The following THAP12 variants were observed in gnomAD, a reference collection of about 807,000 sequenced individuals.
THAP12 encodes the protein THAP domain containing 12.
A neutral mutation model predicts 63.0 loss-of-function variants in THAP12; 20 were observed. That is an observed-to-expected ratio of 0.32 (90% CI 0.22 to 0.46). The LOEUF is 0.46. THAP12 is among the 20% of genes least tolerant of loss of function. The pLI is 1.00. For missense variants in THAP12, 568 were observed against 908.2 expected, an observed-to-expected ratio of 0.63 and a Z score of 4.81; for synonymous variants, 264 against 328.4, an observed-to-expected ratio of 0.80 and a Z score of 2.12.
At chr11:76,370,804 G>C (rs1383226007) in intron 1 of THAP12, among the ~76,000 whole-genome samples, 8 of 141,776 alleles carry the variant, frequency 5.6e-5, no homozygotes, top group East Asian at 2.1e-4. Context: ...CCTGGCAAGA[G>C]AGCGAGACTC....
At chr11:76,376,615 G>T (rs908151102) in intron 1 of THAP12, among the ~76,000 whole-genome samples, 63 of 127,750 alleles carry the variant, frequency 4.9e-4, no homozygotes, top group South Asian at 2.9e-3. Flanking sequence ...TTGTGTCTAT[G>T]TTTTTTTTGT....
chr11:76,351,121 C>A lies in THAP12; in HGVS notation c.2029G>T (p.Val677Leu). 1 of 1,609,820 alleles carries A rather than the reference C, an allele frequency of 6.2e-7. No individual in the cohort carries two copies. Among genetic ancestry groups the A allele is most frequent in the Non-Finnish European group, 8.5e-7 (1 of 1,179,022 alleles). ...HLPDIKFFPN[V>L]YALLKVLCIL... ...CACAGGACCTTCAGCAATGCATACA[C>A]ATTAGGAAAAAACTTGATGTCAGGC... Residue 677 changes from valine to leucine, a missense_variant, in exon 5 of 5, where the codon GTG becomes TTG. Coordinates refer to ENST00000260045, the MANE Select transcript of THAP12 (RefSeq NM_004705.4).
chr11:76,366,053 T>A, intron 1 of THAP12, 81 bp from the exon 2 acceptor site: 1 of 1,460,616 alleles, frequency 6.8e-7, no homozygotes, highest in Non-Finnish European at 9.3e-7. Flanking sequence ...CAAACATACA[T>A]TAATAACAAC....
chr11:76,364,923 C>T (rs964095223), intron 2 of THAP12, among the ~76,000 whole-genome samples: 6 of 152,150 alleles, frequency 3.9e-5, no homozygotes, highest in Non-Finnish European at 8.8e-5. Flanking sequence ...ACCAACTTTA[C>T]CTTAAATAAA....
rs377469978 is a variant in THAP12, at chr11:76,350,933, T to C, written c.2217A>G (p.Thr739=). 4.5e-5 allele frequency: 73 copies of C among 1,606,684 alleles called. No individual in the cohort carries two copies. Among genetic ancestry groups the C allele is most frequent in the Non-Finnish European group, 2.9e-5 (34 of 1,177,000 alleles). The change falls in exon 5 of 5, where the codon ACA becomes ACG. Residue 739 remains threonine (T), a synonymous_variant. Coordinates refer to ENST00000260045, the MANE Select transcript of THAP12 (RefSeq NM_004705.4). ...IKHDLDLMVD[T]YIKLYTSKSE... ...ACTTACTTGTATAGAGTTTAATATATGTGTCCACCATTAAATCCAGGTCGT... is the reference window on the plus strand; with the variant it reads ...ACTTACTTGTATAGAGTTTAATATACGTGTCCACCATTAAATCCAGGTCGT...
intron 1 of THAP12, among the ~76,000 whole-genome samples, chr11:76,375,416 C>T (rs1470487523): frequency 6.7e-6 from 1 of 150,216 alleles, no homozygotes; most frequent in South Asian, 2.1e-4. Flanking sequence ...TTACTTAAAC[C>T]GTGTCACTGA....
At chr11:76,375,480 C>T (rs1946702975) in intron 1 of THAP12, among the ~76,000 whole-genome samples, 1 of 151,474 alleles carries the variant, frequency 6.6e-6, no homozygotes, top group Admixed American at 6.6e-5. Context: ...ATTAATGCCA[C>T]GTTTTCTAAA....
chr11:76,372,752 G>C (rs1005485633), intron 1 of THAP12, among the ~76,000 whole-genome samples: 5 of 152,120 alleles, frequency 3.3e-5, no homozygotes, highest in South Asian at 2.1e-4. Flanking sequence ...CAAGTGTGGT[G>C]GCGTGCGCCT....
At chr11:76,379,576 G>GC (rs1946735755) in intron 1 of THAP12, among the ~76,000 whole-genome samples, 1 of 152,052 alleles carries the variant, frequency 6.6e-6, no homozygotes, top group Non-Finnish European at 1.5e-5. Flanking sequence ...TCCATGGCTG[G>GC]CCCCTTCACC....
intron 4 of THAP12, 44 bp downstream of exon 4, chr11:76,355,574 T>C: frequency 6.5e-7 from 1 of 1,545,734 alleles, no homozygotes. Flanking sequence ...TCAAGGCCTT[T>C]TTAAAAGGCA....
At chr11:76,359,049 T>G (rs1164634889) in intron 3 of THAP12, 1 of 152,142 alleles carries the variant, frequency 6.6e-6, no homozygotes, top group African/African-American at 2.4e-5. Context: ...ATACAATCAG[T>G]AACAGAGGAA....
chr11:76,363,369 CT>C (rs879426082), intron 2 of THAP12, among the ~76,000 whole-genome samples: 89 of 145,022 alleles, frequency 6.1e-4, no homozygotes, highest in Non-Finnish European at 5.8e-4. Context: ...CTGATGAAAT[CT>C]TTTTTTTTTT....
chr11:76,377,469 T>A (rs1946719045), intron 1 of THAP12, among the ~76,000 whole-genome samples: 1 of 152,242 alleles, frequency 6.6e-6, no homozygotes, highest in African/African-American at 2.4e-5. Flanking sequence ...GATTTACTTA[T>A]TCTGGATATT....
chr11:76,376,239 T>C (rs181876496), intron 1 of THAP12, among the ~76,000 whole-genome samples: 117 of 152,366 alleles, frequency 7.7e-4, no homozygotes, highest in Non-Finnish European at 1.5e-3. Context: ...AATTAATGTA[T>C]ATACCCCAAA....
At chr11:76,379,739 G>A (rs1211274988) in intron 1 of THAP12, among the ~76,000 whole-genome samples, 1 of 151,978 alleles carries the variant, frequency 6.6e-6, no homozygotes, top group Non-Finnish European at 1.5e-5. Context: ...GACACACTAC[G>A]TATTTTACTT....
At chr11:76,362,819 T>C (rs1032279389) in intron 2 of THAP12, among the ~76,000 whole-genome samples, 1 of 152,096 alleles carries the variant, frequency 6.6e-6, no homozygotes, top group African/African-American at 2.4e-5. Context: ...GAAAACAGAA[T>C]GTATGAATGA....
At chr11:76,355,499 A>G (rs1946555158) in intron 4 of THAP12, 119 bp downstream of exon 4, 1 of 869,488 alleles carries the variant, frequency 1.2e-6, no homozygotes, top group Non-Finnish European at 1.7e-6. Flanking sequence ...AAAATTGAGC[A>G]CACTCCTACA....
chr11:76,352,293 G>C lies in THAP12; in HGVS notation c.857C>G (p.Ser286Cys). Residue 286 changes from serine to cysteine, a missense_variant, in exon 5 of 5, where the codon TCT becomes TGT. Coordinates refer to ENST00000260045, the MANE Select transcript of THAP12 (RefSeq NM_004705.4). ...LPVLVRFVDE[S>C]HNLREEFIGF... ...TATAAATTCCTCTCTTAGGTTATGA[G>C]ATTCATCAACAAACCTCACCAACAC... The C allele has an allele frequency of 6.2e-7, 1 of 1,611,816 alleles. No individual in the cohort carries two copies. Among genetic ancestry groups the C allele is most frequent in the Non-Finnish European group, 8.5e-7 (1 of 1,179,786 alleles).
intron 1 of THAP12, among the ~76,000 whole-genome samples, chr11:76,376,630 T>G (rs1001586966): frequency 2.0e-5 from 3 of 151,036 alleles, no homozygotes; most frequent in Admixed American, 6.6e-5. Context: ...TTTTGTTTTT[T>G]TTTTTTTTTC....
Sources: gnomAD v4.1 joint callset for allele counts (sites outside exome capture counted in the v4.1 genomes callset) on GRCh38, gnomAD v4.1.1 for gene constraint, MANE v1.5 for transcripts, NCBI Gene and HGNC (gene_info 2026-07-23, HGNC 2026-07-21) for gene names.